The following VWC2L variants were observed in gnomAD, a reference collection of about 807,000 sequenced individuals.
The protein encoded by VWC2L is von Willebrand factor C domain containing 2 like, also known as von Willebrand factor C domain-containing protein 2-like.
VWC2L carries 10 observed loss-of-function variants against 21.6 expected under a neutral mutation model. That is an observed-to-expected ratio of 0.46 (90% CI 0.29 to 0.78). The LOEUF (loss-of-function observed/expected upper bound fraction) is 0.78, where lower values mean the gene tolerates loss of function less well. VWC2L is among the 30% of genes least tolerant of loss of function. VWC2L has a pLI of 0.10. For missense variants in VWC2L, 209 were observed against 277.1 expected (o/e 0.75, Z 1.74); for synonymous variants, 96 against 94.3 (o/e 1.02, Z -0.10).
intron 2 of VWC2L, among the ~76,000 whole-genome samples, chr2:214,419,754 T>C (rs1702407827): frequency 6.6e-6 from 1 of 152,172 alleles, no homozygotes. Context: ...GTCAAATGTC[T>C]TATGGGTTTG....
chr2:214,520,065 A>ACACACACACACG (rs369957621), intron 3 of VWC2L, among the ~76,000 whole-genome samples: 11,533 of 147,854 alleles, frequency 0.078, 688 homozygotes, highest in East Asian at 0.27. Context: ...TTATACACAC[A>ACACACACACACG]CACACACACA....
intron 3 of VWC2L, among the ~76,000 whole-genome samples, chr2:214,564,494 A>G (rs1278119237): frequency 6.6e-6 from 1 of 151,952 alleles, no homozygotes; most frequent in Non-Finnish European, 1.5e-5. Context: ...TTTCCAGCAC[A>G]TCTCAGGTTA....
chr2:214,572,585 G>A (rs1690165698), intron 3 of VWC2L, among the ~76,000 whole-genome samples: 1 of 152,140 alleles, frequency 6.6e-6, no homozygotes, highest in Non-Finnish European at 1.5e-5. Context: ...AGAACTCATG[G>A]TGGGCTTTCA....
chr2:214,491,302 G>A (rs968532986), intron 3 of VWC2L, among the ~76,000 whole-genome samples: 2 of 152,146 alleles, frequency 1.3e-5, no homozygotes, highest in African/African-American at 4.8e-5. Flanking sequence ...ACAACAAGTT[G>A]GGAGAAAAAT....
At chr2:214,437,081 G>A (rs984095573) in intron 3 of VWC2L, among the ~76,000 whole-genome samples, 4 of 152,076 alleles carry the variant, frequency 2.6e-5, no homozygotes, top group South Asian at 2.1e-4. Flanking sequence ...CTCTTTTGTA[G>A]AGCCAATGAA....
chr2:214,565,996 A>C (rs1690056812), intron 3 of VWC2L, among the ~76,000 whole-genome samples: 1 of 152,166 alleles, frequency 6.6e-6, no homozygotes. Context: ...CAGTGTTCTC[A>C]GCTGTAAAAT....
rs5838434 is a variant in VWC2L at position 214,433,159 on chromosome 2, G to GATATATATATATATATATATATAT, written c.391-3469_391-3446dup. The stretch of plus-strand genomic sequence containing the variant: ...GATATATTAACTGCTCAAGCCACCT[G>GATATATATATATATATATATATAT]ATATATATATATATATATATATATT... On this transcript the variant is annotated intron_variant, in intron 2 of 3. Coordinates refer to ENST00000312504, the MANE Select transcript of VWC2L (RefSeq NM_001080500.4). Among the ~76,000 whole-genome samples the GATATATATATATATATATATATAT allele has an allele frequency of 2.0e-3, 264 of 132,852 alleles. 1 individual carries two copies. The highest frequency in any genetic ancestry group is 3.9e-3 in the Middle Eastern group (1 of 254). The allele number at this position is 132,852 out of a possible 152,430, so 87.2% of individuals were successfully genotyped here.
intron 3 of VWC2L, among the ~76,000 whole-genome samples, chr2:214,518,016 A>G (rs1488916544): frequency 6.6e-6 from 1 of 152,136 alleles, no homozygotes; most frequent in African/African-American, 2.4e-5. Flanking sequence ...AATACAAAAA[A>G]TTAGCCAGGC....
At chr2:214,466,401 T>C (rs57880363) in intron 3 of VWC2L, among the ~76,000 whole-genome samples, 27,517 of 152,162 alleles carry the variant, frequency 0.18, 3,105 homozygotes, top group African/African-American at 0.31. Context: ...CTAGCTGCTT[T>C]TAATGTTTCT....
intron 2 of VWC2L, among the ~76,000 whole-genome samples, chr2:214,423,833 C>G (rs1702477806): frequency 6.6e-6 from 1 of 151,992 alleles, no homozygotes; most frequent in South Asian, 2.1e-4. Flanking sequence ...CTACTTTATA[C>G]TTGGATGTAA....
chr2:214,505,757 G>T (rs570525986), intron 3 of VWC2L, among the ~76,000 whole-genome samples: 1 of 151,470 alleles, frequency 6.6e-6, no homozygotes, highest in South Asian at 2.1e-4. Flanking sequence ...ATCATTAAAA[G>T]AAAAAAAAGC....
chr2:214,501,407 C>G (rs1688888375), intron 3 of VWC2L, among the ~76,000 whole-genome samples: 1 of 152,126 alleles, frequency 6.6e-6, no homozygotes, highest in South Asian at 2.1e-4. Flanking sequence ...TACCTGCCCA[C>G]TCCCACCTTA....
At chr2:214,479,511 A>T (rs766009251) in intron 3 of VWC2L, among the ~76,000 whole-genome samples, 1 of 152,180 alleles carries the variant, frequency 6.6e-6, no homozygotes, top group Non-Finnish European at 1.5e-5. Context: ...CTAAATTTTT[A>T]AAAATAATCT....
chr2:214,507,534 G>A (rs1688984087), intron 3 of VWC2L, among the ~76,000 whole-genome samples: 1 of 152,208 alleles, frequency 6.6e-6, no homozygotes, highest in Admixed American at 6.5e-5. Flanking sequence ...CATTCCCCAA[G>A]GTCTCCTGGC....
At chr2:214,563,546 CA>C (rs55864016) in intron 3 of VWC2L, among the ~76,000 whole-genome samples, 24 of 95,858 alleles carry the variant, frequency 2.5e-4, no homozygotes, top group African/African-American at 1.0e-3. Flanking sequence ...GACTCCGTCT[CA>C]AAAAAAAAAA....
intron 3 of VWC2L, among the ~76,000 whole-genome samples, chr2:214,529,144 C>T (rs1480540383): frequency 6.6e-6 from 1 of 152,210 alleles, no homozygotes; most frequent in Non-Finnish European, 1.5e-5. Context: ...TGATCCAACG[C>T]TCTTGCCACC....
At chr2:214,522,607 A>T (rs553283172) in intron 3 of VWC2L, among the ~76,000 whole-genome samples, 4 of 152,238 alleles carry the variant, frequency 2.6e-5, no homozygotes, top group African/African-American at 9.6e-5. Context: ...ACATACATAT[A>T]CACAATATTT....
At chr2:214,536,662 G>T (rs2105918797) in intron 3 of VWC2L, 1 of 151,998 alleles carries the variant, frequency 6.6e-6, no homozygotes, top group African/African-American at 2.4e-5. Context: ...TCATATAAAA[G>T]TATTTTACCT....
At chr2:214,550,916 C>T (rs1256392714) in intron 3 of VWC2L, among the ~76,000 whole-genome samples, 1 of 152,126 alleles carries the variant, frequency 6.6e-6, no homozygotes, top group Non-Finnish European at 1.5e-5. Context: ...CTACAAAAGG[C>T]CTTTTGTAAT....
Sources: gnomAD v4.1 joint callset for allele counts (sites outside exome capture counted in the v4.1 genomes callset) on GRCh38, gnomAD v4.1.1 for gene constraint, MANE v1.5 for transcripts, NCBI Gene and HGNC (gene_info 2026-07-23, HGNC 2026-07-21) for gene names.